The following ICE1 variants were observed in gnomAD, a reference collection of about 807,000 sequenced individuals.
ICE1 encodes interactor of little elongation complex ELL subunit 1.
A neutral mutation model predicts 192.7 loss-of-function variants in ICE1; 64 were observed. That is an observed-to-expected ratio of 0.33 (90% CI 0.27 to 0.41). The LOEUF is 0.41. Among genes scored for constraint, ICE1 ranks in the 10% least tolerant of loss-of-function variants. The pLI, the probability that ICE1 is intolerant of heterozygous loss-of-function variation, is 1.00. For missense variants in ICE1, 2,708 were observed against 2,696.0 expected (o/e 1.00, Z -0.10); for synonymous variants, 1,010 against 984.5 (o/e 1.03, Z -0.49).
intron 3 of ICE1, 163 bp downstream of exon 3, chr5:5,437,277 A>G: frequency 1.9e-6 from 1 of 518,262 alleles, no homozygotes; most frequent in Non-Finnish European, 3.4e-6. Context: ...CAGTCCTTTT[A>G]TTCTTAATCC....
chr5:5,431,574 G>A (rs1313188890), intron 1 of ICE1, among the ~76,000 whole-genome samples: 1 of 152,162 alleles, frequency 6.6e-6, no homozygotes, highest in Non-Finnish European at 1.5e-5. Flanking sequence ...CTTGCCCTTT[G>A]CCATTTCGAA....
At chr5:5,480,006 T>C (rs1739450312) in intron 17 of ICE1, among the ~76,000 whole-genome samples, 1 of 152,082 alleles carries the variant, frequency 6.6e-6, no homozygotes, top group Non-Finnish European at 1.5e-5. Flanking sequence ...AGATGATGGG[T>C]TGATAGGTGC....
intron 1 of ICE1, among the ~76,000 whole-genome samples, chr5:5,429,795 G>A (rs780111896): frequency 3.3e-5 from 5 of 152,178 alleles, no homozygotes; most frequent in African/African-American, 7.2e-5. Flanking sequence ...GGAAGCATGG[G>A]CATCAGCATT....
Position 5,463,263 on chromosome 5 carries a change from GCTC to G in ICE1, c.3933_3935del (p.Ser1313del). On this transcript the variant is annotated inframe_deletion, in exon 13 of 19. Coordinates refer to ENST00000296564, the MANE Select transcript of ICE1 (RefSeq NM_015325.3). ...AAAAGTCCATTTCGGGAAACGACTG[GCTC>G]CTCATCACATGCTTCAGAACCAACC... 1 of 1,613,286 alleles carries G rather than the reference GCTC, an allele frequency of 6.2e-7. No homozygotes were observed. Among genetic ancestry groups the G allele is most frequent in the Non-Finnish European group, 8.5e-7 (1 of 1,179,700 alleles).
chr5:5,444,765 T>G (rs992017270), intron 7 of ICE1, among the ~76,000 whole-genome samples: 2 of 152,146 alleles, frequency 1.3e-5, no homozygotes, highest in African/African-American at 4.8e-5. Context: ...ATTTTGTACA[T>G]TAGGGATTGT....
At chr5:5,488,497 A>G (rs1739687579) in intron 18 of ICE1, among the ~76,000 whole-genome samples, 1 of 152,178 alleles carries the variant, frequency 6.6e-6, no homozygotes, top group Non-Finnish European at 1.5e-5. Flanking sequence ...TGGAGTAGGA[A>G]TACAGTGCAA....
rs1309046633 is a variant in ICE1 at position 5,460,791 on chromosome 5, T to G, written c.1457T>G (p.Met486Arg). 6.2e-7 allele frequency: 1 copy of G among 1,613,806 alleles called. No individual in the cohort carries two copies. Among genetic ancestry groups the G allele is most frequent in the African/African-American group, 1.3e-5 (1 of 74,900 alleles). The change falls in exon 13 of 19, where the codon ATG becomes AGG. Residue 486 changes from methionine (M) to arginine (R), a missense_variant. By Grantham distance (91) the Met-to-Arg change is moderately conservative. Around this residue, in one of 2 missense-constraint regions of ICE1, gnomAD observed 2,366 missense variants for 2,276.6 expected, o/e 1.04. Coordinates refer to ENST00000296564, the MANE Select transcript of ICE1 (RefSeq NM_015325.3). Reference protein sequence around the residue: ...RDILHETKTQMEVREMDKSVQ... With the variant: ...RDILHETKTQREVREMDKSVQ... ...ATTTTACATGAGACAAAAACACAAA[T>G]GGAGGTTAGGGAGATGGATAAGTCA...
chr5:5,480,257 T>C (rs1739462724), intron 17 of ICE1, among the ~76,000 whole-genome samples: 1 of 144,900 alleles, frequency 6.9e-6, no homozygotes, highest in African/African-American at 2.7e-5. Context: ...TTCTTTTTTT[T>C]TTTTTTTTTT....
intron 1 of ICE1, among the ~76,000 whole-genome samples, chr5:5,424,614 T>G (rs1446250649): frequency 1.3e-5 from 2 of 152,132 alleles, no homozygotes; most frequent in Admixed American, 6.5e-5. Flanking sequence ...TAGAGGGTAA[T>G]GAAAACGTTG....
rs778281549 is a variant in ICE1 at position 5,457,328 on chromosome 5, A to G, written c.692-4A>G. 6.3e-6 allele frequency: 10 copies of G among 1,585,856 alleles called. No homozygotes were observed. Among genetic ancestry groups the G allele is most frequent in the African/African-American group, 2.7e-5 (2 of 73,058 alleles). ...CTGATACCTACTTTTGTTCCCCCACATAGAAAAACCTGCCAAAGCAATCAC... is the reference window on the plus strand; with the variant it reads ...CTGATACCTACTTTTGTTCCCCCACGTAGAAAAACCTGCCAAAGCAATCAC... On this transcript the variant is annotated splice_region_variant and splice_polypyrimidine_tract_variant and intron_variant, in intron 11 of 18. Coordinates refer to ENST00000296564, the MANE Select transcript of ICE1 (RefSeq NM_015325.3).
intron 15 of ICE1, among the ~76,000 whole-genome samples, 175 bp downstream of exon 15, chr5:5,469,163 G>A (rs1266228382): frequency 6.6e-6 from 1 of 152,188 alleles, no homozygotes; most frequent in East Asian, 1.9e-4. Context: ...AAGAATGCAT[G>A]AGACATTCAA....
In ICE1 at chr5:5,464,048, G is replaced by C; in HGVS notation, c.4714G>C (p.Ala1572Pro). 1 of 1,613,648 alleles carries C rather than the reference G, an allele frequency of 6.2e-7. No homozygotes were observed. The highest frequency in any genetic ancestry group is 8.5e-7 in the Non-Finnish European group (1 of 1,179,878). ...GTCAAACAAACCAGTAAAAACTTCA[G>C]CGTCGAGCAGAGTTGAAACTCATCA... Reference protein sequence around the residue: ...DQSNKPVKTSASSRVETHQSE... With the variant: ...DQSNKPVKTSPSSRVETHQSE... The change falls in exon 13 of 19, where the codon GCG becomes CCG. Residue 1572 changes from alanine to proline, a missense_variant. Ala to Pro is a conservative substitution (Grantham distance 27). Around this residue, in one of 2 missense-constraint regions of ICE1, gnomAD observed 2,366 missense variants for 2,276.6 expected, o/e 1.04. Transcript: ENST00000296564. This position sits in a 1 kb window ranked among gnomAD's most constrained non-coding sequence, Gnocchi z 4.0.
rs1202074789 is a variant in ICE1, at chr5:5,462,250, G to A, written c.2916G>A (p.Val972=). 6.2e-7 allele frequency: 1 copy of A among 1,612,224 alleles called. No individual in the cohort carries two copies. Among genetic ancestry groups the A allele is most frequent in the Admixed American group, 1.7e-5 (1 of 59,686 alleles). The change falls in exon 13 of 19, where the codon GTG becomes GTA. Residue 972 remains valine, a synonymous_variant. Transcript: ENST00000296564. ...ENILIQNQDI[V]REAAVQGDGQ... ...TCCTCATCCAAAACCAAGACATTGT[G>A]AGAGAAGCTGCAGTGCAGGGAGATG... is the stretch of plus-strand genomic sequence containing the variant.
intron 1 of ICE1, among the ~76,000 whole-genome samples, chr5:5,434,560 C>T (rs1400478863): frequency 1.3e-5 from 2 of 152,104 alleles, no homozygotes; most frequent in South Asian, 2.1e-4. Context: ...TTTGCATACC[C>T]TTAAGAACCA....
chr5:5,463,583 G>A lies in ICE1; in HGVS notation c.4249G>A (p.Val1417Ile). Residue 1417 changes from valine to isoleucine, a missense_variant, in exon 13 of 19, where the codon GTC becomes ATC. By Grantham distance (29) the Val-to-Ile change is conservative (BLOSUM62 3). This residue lies in a region of ICE1 where 2,366 missense variants were observed against 2,276.6 expected (regional missense o/e 1.04). Transcript: ENST00000296564. ...NVLINKDQNL[V>I]IEKGDNWTII... The stretch of plus-strand genomic sequence containing the variant: ...ACTTATAAATAAGGATCAGAATCTA[G>A]TCATTGAAAAGGGGGACAACTGGAC... The A allele has an allele frequency of 6.2e-7, 1 of 1,614,004 alleles. No individual in the cohort carries two copies. The highest frequency in any genetic ancestry group is 1.7e-5 in the Admixed American group (1 of 60,026).
chr5:5,460,399 A>G, intron 12 of ICE1, 37 bp from the exon 13 acceptor site: 1 of 1,199,258 alleles, frequency 8.3e-7, no homozygotes, highest in Non-Finnish European at 1.2e-6. Flanking sequence ...TAATCTGTTG[A>G]ATTAGTGTTT....
At chr5:5,453,992 G>T (rs762494805) in intron 10 of ICE1, among the ~76,000 whole-genome samples, 3 of 152,086 alleles carry the variant, frequency 2.0e-5, no homozygotes, top group African/African-American at 4.8e-5. Flanking sequence ...ATGTTCATAC[G>T]CACACATTCC....
intron 12 of ICE1, among the ~76,000 whole-genome samples, chr5:5,459,751 G>A (rs1438352579): frequency 2.6e-5 from 4 of 152,186 alleles, no homozygotes; most frequent in African/African-American, 9.7e-5. Flanking sequence ...AGACAAGGTG[G>A]TTGATGCTGT....
Position 5,464,247 on chromosome 5 carries a change from C to T in ICE1, c.4913C>T (p.Pro1638Leu). The change falls in exon 13 of 19, where the codon CCT (proline) becomes CTT (leucine). Residue 1638 changes from proline (P) to leucine (L), a missense_variant. Around this residue, in one of 2 missense-constraint regions of ICE1, gnomAD observed 2,366 missense variants for 2,276.6 expected, o/e 1.04. Coordinates refer to ENST00000296564, the MANE Select transcript of ICE1 (RefSeq NM_015325.3). The surrounding 1 kb of genome is among the most constrained non-coding windows in gnomAD (Gnocchi z 4.0). The part of the protein sequence containing the change: ...VGPPLPPLLA[P>L]LIATPPRTSQ... ...CCTCCTTTGCCGCCTCTGCTTGCTC[C>T]TCTGATAGCTACACCTCCAAGGACT... is the stretch of plus-strand genomic sequence containing the variant. 6.2e-7 allele frequency: 1 copy of T among 1,613,634 alleles called. No individual in the cohort carries two copies. The highest frequency in any genetic ancestry group is 8.5e-7 in the Non-Finnish European group (1 of 1,179,826).
Sources: allele counts gnomAD v4.1 joint callset (sites outside exome capture counted in the v4.1 genomes callset), GRCh38; gene constraint gnomAD v4.1.1; regional missense constraint gnomAD v4.1.1; non-coding constraint Gnocchi (gnomAD v3.1); transcripts MANE v1.5; gene names NCBI Gene and HGNC (gene_info 2026-07-23, HGNC 2026-07-21).